Variants in TEK observed in about 807,000 individuals in gnomAD.
TEK encodes the protein angiopoietin-1 receptor.
In TEK, 43 loss-of-function variants were observed where a neutral mutation model predicts 131.8. That is an observed-to-expected ratio of 0.33 (90% confidence interval 0.26 to 0.42). The LOEUF is 0.42. TEK is among the 10% of genes least tolerant of loss of function. The probability of loss-of-function intolerance (pLI) is 1.00; values close to 1 mark genes in which losing one functional copy is unlikely to be tolerated. For synonymous variants in TEK, 580 were observed against 491.6 expected (o/e 1.18, Z -2.38); for missense variants, 1,162 against 1,384.4 (o/e 0.84, Z 2.55).
At chr9:27,133,970 C>G (rs1157126122) in intron 1 of TEK, among the ~76,000 whole-genome samples, 1 of 152,134 alleles carries the variant, frequency 6.6e-6, no homozygotes, top group Non-Finnish European at 1.5e-5. Flanking sequence ...ACTGGCCAAG[C>G]CAATAGTCGT....
At chr9:27,229,073 A>T (rs1399284663) in intron 22 of TEK, 85 bp from the exon 23 acceptor site, 3 of 1,263,160 alleles carry the variant, frequency 2.4e-6, no homozygotes, top group Non-Finnish European at 3.5e-6. Flanking sequence ...CAACAAACTA[A>T]GAAAACCAAG....
chr9:27,205,799 G>C (rs1471827238), intron 14 of TEK, among the ~76,000 whole-genome samples: 1 of 152,150 alleles, frequency 6.6e-6, no homozygotes, highest in Admixed American at 6.6e-5. Flanking sequence ...TATCAATTCT[G>C]TATATAATGC....
chr9:27,216,362 C>G (rs568830967), intron 18 of TEK, among the ~76,000 whole-genome samples: 78 of 151,672 alleles, frequency 5.1e-4, no homozygotes, highest in African/African-American at 1.8e-3. Flanking sequence ...GTGACGAGAT[C>G]CAAAAGAAGT....
chr9:27,172,102 A>T (rs760271259), intron 4 of TEK, among the ~76,000 whole-genome samples: 3 of 152,200 alleles, frequency 2.0e-5, no homozygotes, highest in Non-Finnish European at 4.4e-5. Context: ...TTACTACGCC[A>T]CTTCTAGAAT....
At chr9:27,177,169 C>T (rs770032550) in intron 6 of TEK, among the ~76,000 whole-genome samples, 12 of 152,160 alleles carry the variant, frequency 7.9e-5, no homozygotes, top group Non-Finnish European at 1.6e-4. Context: ...ACAGATGTCT[C>T]TTTGAGATAG....
At chr9:27,193,186 AG>A (rs1401418371) in intron 11 of TEK, among the ~76,000 whole-genome samples, 3 of 152,170 alleles carry the variant, frequency 2.0e-5, no homozygotes, top group Non-Finnish European at 4.4e-5. Context: ...TGCTTCCTAT[AG>A]GTAGCCACTT....
intron 1 of TEK, among the ~76,000 whole-genome samples, chr9:27,123,039 C>T (rs1222426489): frequency 3.1e-5 from 3 of 98,090 alleles, no homozygotes; most frequent in South Asian, 7.5e-4. Context: ...GGTGACAGAG[C>T]GAGACTCTGT....
intron 1 of TEK, among the ~76,000 whole-genome samples, chr9:27,119,730 G>A (rs1587477429): frequency 6.6e-6 from 1 of 152,134 alleles, no homozygotes; most frequent in Non-Finnish European, 1.5e-5. Flanking sequence ...GACTGATCAC[G>A]GGCTCTAGGA....
At chr9:27,222,190 TGAAAAG>T (rs1826112115) in intron 21 of TEK, among the ~76,000 whole-genome samples, 1 of 151,948 alleles carries the variant, frequency 6.6e-6, no homozygotes, top group South Asian at 2.1e-4. Context: ...GAAAAAATAA[TGAAAAG>T]GAATGAACAA....
At position 27,128,224 on chromosome 9, in the gene TEK, T is replaced by G. The variant is rs1348104748; in HGVS notation, c.52+18582T>G. ...AGCCAGTTTTCCCAACACCATTTAT[T>G]AAATAGGGAATCCTTTCCCCATTTC... On this transcript the variant is annotated intron_variant, in intron 1 of 22. Coordinates refer to ENST00000380036, the MANE Select transcript of TEK (RefSeq NM_000459.5). Among the ~76,000 whole-genome samples, 3 of 152,240 alleles carry G rather than the reference T, an allele frequency of 2.0e-5. 1 individual carries two copies. The highest frequency in any genetic ancestry group is 4.1e-4 in the South Asian group (2 of 4,838).
Position 27,168,588 on chromosome 9 carries a change from C to A in TEK, c.458C>A (p.Ala153Glu). The stretch of plus-strand genomic sequence containing the variant: ...AAGGTATTGATTAAAGAAGAAGATG[C>A]AGTGATTTACAAAAATGGTGAGTAT... ...FKKVLIKEED[A>E]VIYKNGSFIH... Residue 153 changes from alanine to glutamate, a missense_variant, in exon 3 of 23, where the codon GCA (alanine) becomes GAA (glutamate). By Grantham distance (107) the Ala-to-Glu change is moderately radical. This residue lies in a region of TEK where 436 missense variants were observed against 539.1 expected (regional missense o/e 0.81). Coordinates refer to ENST00000380036, the MANE Select transcript of TEK (RefSeq NM_000459.5). 6.2e-7 allele frequency: 1 copy of A among 1,610,804 alleles called. No individual in the cohort carries two copies. Among genetic ancestry groups the A allele is most frequent in the Non-Finnish European group, 8.5e-7 (1 of 1,177,206 alleles).
intron 1 of TEK, among the ~76,000 whole-genome samples, chr9:27,133,430 C>T (rs906946595): frequency 4.6e-5 from 7 of 152,208 alleles, no homozygotes; most frequent in Admixed American, 2.0e-4. Flanking sequence ...GAGCCACAGT[C>T]GGCTGAGTTT....
intron 18 of TEK, among the ~76,000 whole-genome samples, chr9:27,217,170 C>A (rs1229343097): frequency 6.6e-6 from 1 of 152,162 alleles, no homozygotes; most frequent in South Asian, 2.1e-4. Context: ...GCACACTGTT[C>A]CCCTTGTCCA....
intron 2 of TEK, among the ~76,000 whole-genome samples, chr9:27,161,654 A>G (rs1046118366): frequency 2.0e-5 from 3 of 152,212 alleles, no homozygotes; most frequent in Non-Finnish European, 4.4e-5. Flanking sequence ...ATAAAGTACA[A>G]TGATCCTACC....
intron 5 of TEK, among the ~76,000 whole-genome samples, 179 bp downstream of exon 5, chr9:27,172,926 A>G (rs1243155022): frequency 6.6e-6 from 1 of 152,148 alleles, no homozygotes; most frequent in African/African-American, 2.4e-5. Flanking sequence ...AATGCCAACC[A>G]CTGGAAAGTT....
At chr9:27,171,612 G>A (rs1823961881) in intron 4 of TEK, among the ~76,000 whole-genome samples, 1 of 152,170 alleles carries the variant, frequency 6.6e-6, no homozygotes, top group Non-Finnish European at 1.5e-5. Flanking sequence ...GACTATTTGG[G>A]CTTGAGTCGA....
chr9:27,173,723 G>GT (rs71492737), intron 6 of TEK, among the ~76,000 whole-genome samples: 16,251 of 91,390 alleles, frequency 0.18, 1,214 homozygotes, highest in Admixed American at 0.27. Context: ...TAGAAGACTT[G>GT]TTTTTTTTTT....
chr9:27,145,825 A>G (rs903328714), intron 1 of TEK, among the ~76,000 whole-genome samples: 6 of 152,266 alleles, frequency 3.9e-5, no homozygotes, highest in African/African-American at 4.8e-5. Flanking sequence ...AGACATGTCA[A>G]TATTTAATTA....
At chr9:27,199,198 T>G (rs2131200424) in intron 12 of TEK, among the ~76,000 whole-genome samples, 1 of 152,366 alleles carries the variant, frequency 6.6e-6, no homozygotes, top group East Asian at 1.9e-4. Flanking sequence ...GATCCATGTT[T>G]ATTTAGCTTT....
Sources: allele counts gnomAD v4.1 joint callset (sites outside exome capture counted in the v4.1 genomes callset), GRCh38; gene constraint gnomAD v4.1.1; regional missense constraint gnomAD v4.1.1; transcripts MANE v1.5; gene names NCBI Gene and HGNC (gene_info 2026-07-23, HGNC 2026-07-21).